Variants in GRIK2 observed in about 807,000 individuals in gnomAD.
GRIK2 encodes the protein glutamate receptor ionotropic, kainate 2.
In GRIK2, 32 loss-of-function variants were observed where a neutral mutation model predicts 100.3. The ratio of observed to expected loss-of-function variants is 0.32; its 90% CI spans 0.24 to 0.43. The LOEUF (loss-of-function observed/expected upper bound fraction) is 0.43. Among genes scored for constraint, GRIK2 ranks in the 20% least tolerant of loss-of-function variants. The pLI is 1.00. For missense variants in GRIK2, 843 were observed against 1,114.9 expected, an observed-to-expected ratio of 0.76 and a Z score of 3.47; for synonymous variants, 417 against 389.4, an observed-to-expected ratio of 1.07 and a Z score of -0.83.
intron 14 of GRIK2, among the ~76,000 whole-genome samples, chr6:101,979,621 A>T (rs903270214): frequency 2.0e-5 from 3 of 151,856 alleles, no homozygotes; most frequent in African/African-American, 7.2e-5. Context: ...TTCACTTTGG[A>T]TTGCTGTGGG....
chr6:101,437,615 C>T (rs764830411), intron 2 of GRIK2, among the ~76,000 whole-genome samples: 1 of 152,006 alleles, frequency 6.6e-6, no homozygotes, highest in African/African-American at 2.4e-5. Flanking sequence ...ATTCTTAATA[C>T]CTTAGGGAGT....
intron 14 of GRIK2, among the ~76,000 whole-genome samples, chr6:102,022,492 A>G (rs1353741699): frequency 6.6e-6 from 1 of 151,690 alleles, no homozygotes; most frequent in Non-Finnish European, 1.5e-5. Context: ...GTGCCACTGC[A>G]TTCCAGCCCG....
chr6:101,872,678 G>C (rs926191627), intron 11 of GRIK2, among the ~76,000 whole-genome samples: 3 of 151,642 alleles, frequency 2.0e-5, no homozygotes, highest in African/African-American at 7.3e-5. Flanking sequence ...CATCCCCTCT[G>C]AATAGCATGT....
intron 4 of GRIK2, among the ~76,000 whole-genome samples, chr6:101,630,414 T>A (rs1236055536): frequency 2.0e-5 from 3 of 152,194 alleles, no homozygotes; most frequent in Non-Finnish European, 4.4e-5. Flanking sequence ...CAGACTAGTG[T>A]GAAATGGTAT....
intron 7 of GRIK2, among the ~76,000 whole-genome samples, chr6:101,723,099 A>G (rs1190692342): frequency 6.6e-6 from 1 of 152,076 alleles, no homozygotes; most frequent in Non-Finnish European, 1.5e-5. Context: ...CACTTTTAGA[A>G]AAAAGAATTC....
chr6:101,718,500 G>C (rs1398819532), intron 7 of GRIK2, among the ~76,000 whole-genome samples: 1 of 151,884 alleles, frequency 6.6e-6, no homozygotes, highest in African/African-American at 2.4e-5. Flanking sequence ...AAGTATGCAA[G>C]TACTATAAAT....
At chr6:101,625,290 T>G (rs1780376707) in intron 3 of GRIK2, among the ~76,000 whole-genome samples, 1 of 151,924 alleles carries the variant, frequency 6.6e-6, no homozygotes, top group South Asian at 2.1e-4. Flanking sequence ...GGAGAATCGC[T>G]TGAACCCGGG....
chr6:101,898,062 C>G (rs1054301958), intron 12 of GRIK2, among the ~76,000 whole-genome samples: 4 of 151,718 alleles, frequency 2.6e-5, no homozygotes, highest in Admixed American at 2.6e-4. Context: ...TATTTGAGAA[C>G]TATAAAGAGA....
chr6:101,649,728 A>C (rs1220888849), intron 4 of GRIK2, among the ~76,000 whole-genome samples: 2 of 152,132 alleles, frequency 1.3e-5, no homozygotes, highest in African/African-American at 4.8e-5. Context: ...AGGCACCAGC[A>C]GTGTTACTGT....
At chr6:101,993,701 T>C (rs935456668) in intron 14 of GRIK2, 1 of 150,168 alleles carries the variant, frequency 6.7e-6, no homozygotes, top group Non-Finnish European at 1.5e-5. Flanking sequence ...TATTTATCTA[T>C]CTATGCATAG....
chr6:101,468,172 A>T (rs1250740694), intron 2 of GRIK2, among the ~76,000 whole-genome samples: 1 of 152,148 alleles, frequency 6.6e-6, no homozygotes, highest in Non-Finnish European at 1.5e-5. Context: ...GCCTCTTAGG[A>T]ACTTGCATGT....
At chr6:101,905,709 A>G (rs1487817918) in intron 12 of GRIK2, among the ~76,000 whole-genome samples, 2 of 151,378 alleles carry the variant, frequency 1.3e-5, no homozygotes, top group African/African-American at 4.8e-5. Flanking sequence ...ACCTATTTCT[A>G]TTCATCCATG....
chr6:101,924,578 C>T, intron 12 of GRIK2, 23 bp from the exon 13 acceptor site: 1 of 1,218,256 alleles, frequency 8.2e-7, no homozygotes, highest in Non-Finnish European at 1.2e-6. Context: ...TAAATGTATT[C>T]TTTTTTCTGT....
intron 11 of GRIK2, among the ~76,000 whole-genome samples, chr6:101,874,047 G>T (rs1298808802): frequency 6.6e-6 from 1 of 152,082 alleles, no homozygotes; most frequent in African/African-American, 2.4e-5. Context: ...TCTGAAGGTT[G>T]CCTGTTCACT....
At chr6:101,400,370 G>A (rs1055345694) in intron 2 of GRIK2, among the ~76,000 whole-genome samples, 3 of 152,206 alleles carry the variant, frequency 2.0e-5, no homozygotes, top group African/African-American at 7.2e-5. Flanking sequence ...CGATGCTCAG[G>A]TTCTCTGGAT....
chr6:101,889,456 A>G (rs1374351205), intron 11 of GRIK2, among the ~76,000 whole-genome samples, 184 bp from the exon 12 acceptor site: 1 of 151,986 alleles, frequency 6.6e-6, no homozygotes, highest in Non-Finnish European at 1.5e-5. Context: ...AGTGCAATAA[A>G]TCAGATTCTT....
rs926188025 is a variant in GRIK2 at position 101,775,199 on chromosome 6, C to T, written c.952-24449C>T. Among the ~76,000 whole-genome samples the T allele has an allele frequency of 3.3e-5, 5 of 152,210 alleles. No homozygotes were observed. In the East Asian group the frequency reaches 7.7e-4, roughly 24 times the overall value. ...TTTACTGGTTGTTGTTCAAAATAAGCTAATTGGCAATCACTATTTTTTGGT... is the reference window on the plus strand; with the variant it reads ...TTTACTGGTTGTTGTTCAAAATAAGTTAATTGGCAATCACTATTTTTTGGT... On this transcript the variant is annotated intron_variant, in intron 7 of 16. Coordinates refer to ENST00000369134, the MANE Select transcript of GRIK2 (RefSeq NM_021956.5).
intron 2 of GRIK2, among the ~76,000 whole-genome samples, chr6:101,409,266 C>T (rs994128689): frequency 4.0e-5 from 6 of 151,898 alleles, no homozygotes; most frequent in African/African-American, 1.5e-4. Flanking sequence ...AGCAGAGTAA[C>T]ATACTAGACA....
At chr6:101,690,661 T>C (rs569300420) in intron 7 of GRIK2, among the ~76,000 whole-genome samples, 1 of 152,170 alleles carries the variant, frequency 6.6e-6, no homozygotes, top group Admixed American at 6.5e-5. Flanking sequence ...CCTTCTATGG[T>C]CTGGCTCTTT....
Sources: gnomAD v4.1 joint callset for allele counts (sites outside exome capture counted in the v4.1 genomes callset) on GRCh38, gnomAD v4.1.1 for gene constraint, MANE v1.5 for transcripts, NCBI Gene and HGNC (gene_info 2026-07-23, HGNC 2026-07-21) for gene names.